The following CYP4F22 variants were observed in gnomAD, a reference collection of about 807,000 sequenced individuals.
CYP4F22 encodes ultra-long-chain fatty acid omega-hydroxylase.
CYP4F22 carries 37 observed loss-of-function variants against 60.4 expected under a neutral mutation model. The ratio of observed to expected loss-of-function variants is 0.61; its 90% CI spans 0.47 to 0.81. The LOEUF is 0.81. Among genes scored for constraint, CYP4F22 ranks in the 30% least tolerant of loss-of-function variants. The pLI is 0.00. For missense variants in CYP4F22, 655 were observed against 715.0 expected (o/e 0.92, Z 0.96); for synonymous variants, 258 against 280.5 (o/e 0.92, Z 0.80).
intron 1 of CYP4F22, among the ~76,000 whole-genome samples, chr19:15,509,123 T>C (rs1971054316): frequency 6.6e-6 from 1 of 152,154 alleles, no homozygotes; most frequent in Non-Finnish European, 1.5e-5. Flanking sequence ...AGCCCCTCTA[T>C]GAAAAGACGG....
chr19:15,537,314 C>A lies in CYP4F22; in HGVS notation c.368-47C>A, dbSNP rs115170841. On this transcript the variant is annotated intron_variant, in intron 4 of 13. Coordinates refer to ENST00000269703, the MANE Select transcript of CYP4F22 (RefSeq NM_173483.4). ...AGACTCCGTAAAAAAAAACAAAAAACCAAAAAACTCTGTTTTGAGTCACCA... is the reference window on the plus strand; with the variant it reads ...AGACTCCGTAAAAAAAAACAAAAAAACAAAAAACTCTGTTTTGAGTCACCA... 5,959 of 1,612,016 alleles carry A rather than the reference C, an allele frequency of 3.7e-3. 202 individuals are homozygous for A. In the African/African-American group the frequency reaches 0.07, roughly 19 times the overall value.
intron 4 of CYP4F22, among the ~76,000 whole-genome samples, chr19:15,534,771 G>A (rs1347492425): frequency 6.6e-6 from 1 of 152,158 alleles, no homozygotes; most frequent in Non-Finnish European, 1.5e-5. Context: ...TCCTGGAGTA[G>A]GTGTCAGTGA....
chr19:15,539,493 C>T (rs903514918), intron 7 of CYP4F22, among the ~76,000 whole-genome samples: 3 of 152,204 alleles, frequency 2.0e-5, no homozygotes, highest in African/African-American at 4.8e-5. Context: ...CTGCTATTAA[C>T]ATTCATGCAC....
intron 11 of CYP4F22, 33 bp downstream of exon 11, chr19:15,548,274 C>A: frequency 6.2e-7 from 1 of 1,613,258 alleles, no homozygotes; most frequent in Non-Finnish European, 8.5e-7. Context: ...TGCTGGTGCA[C>A]TGCCTCCAAT....
chr19:15,548,263 CTGCTGG>C, intron 11 of CYP4F22, 22 bp downstream of exon 11: 2 of 1,613,730 alleles, frequency 1.2e-6, no homozygotes, highest in Non-Finnish European at 8.5e-7. Flanking sequence ...GTTCCGCCTG[CTGCTGG>C]TGCACTGCCT....
intron 3 of CYP4F22, among the ~76,000 whole-genome samples, chr19:15,526,323 T>A (rs1971282412): frequency 6.6e-6 from 1 of 152,218 alleles, no homozygotes; most frequent in Non-Finnish European, 1.5e-5. Flanking sequence ...CCTTGAATGC[T>A]GTGGTCCTAG....
rs8107395 is a variant in CYP4F22, at chr19:15,525,871, T to A, written c.222+313T>A. Among the ~76,000 whole-genome samples, 96,187 of 151,502 alleles carry A rather than the reference T, an allele frequency of 0.63. 31,293 individuals are homozygous for A. Among genetic ancestry groups the A allele is most frequent in the Middle Eastern group, 0.72 (210 of 292 alleles). On this transcript the variant is annotated intron_variant, in intron 3 of 13. Coordinates refer to ENST00000269703, the MANE Select transcript of CYP4F22 (RefSeq NM_173483.4). ...GTGAGACCCCCTCTCTACAAAAAAT[T>A]CAAAAATTATATGGGTGTGGTGGTG...
intron 10 of CYP4F22, among the ~76,000 whole-genome samples, chr19:15,545,474 C>A (rs538870115): frequency 6.6e-6 from 1 of 151,498 alleles, no homozygotes; most frequent in Non-Finnish European, 1.5e-5. Context: ...ATGACGAAAC[C>A]CTGTCTCTAC....
At chr19:15,544,569 C>T (rs963515832) in intron 10 of CYP4F22, among the ~76,000 whole-genome samples, 1 of 152,180 alleles carries the variant, frequency 6.6e-6, no homozygotes, top group Non-Finnish European at 1.5e-5. Flanking sequence ...TTTGTATGCA[C>T]ACATTTCTTG....
At chr19:15,516,835 CTTTTTT>C (rs756727270) in intron 1 of CYP4F22, 33 of 207,878 alleles carry the variant, frequency 1.6e-4, no homozygotes, top group East Asian at 3.9e-4. Context: ...AGATGTTATT[CTTTTTT>C]TTTTTTTTTT....
chr19:15,509,954 G>GTCTC (rs34582549), intron 1 of CYP4F22, among the ~76,000 whole-genome samples: 9 of 92,534 alleles, frequency 9.7e-5, no homozygotes, highest in East Asian at 7.2e-4. Flanking sequence ...TCTTTTCTCT[G>GTCTC]TCTCTCTCTC....
intron 7 of CYP4F22, among the ~76,000 whole-genome samples, chr19:15,539,261 T>G (rs1257821342): frequency 6.6e-6 from 1 of 152,256 alleles, no homozygotes; most frequent in Non-Finnish European, 1.5e-5. Flanking sequence ...TAGATTTGCC[T>G]GTTATGGATA....
Position 15,540,466 on chromosome 19 carries a change from A to G in CYP4F22, c.688A>G (p.Ile230Val). 6.2e-7 allele frequency: 1 copy of G among 1,614,144 alleles called. No homozygotes were observed. The highest frequency in any genetic ancestry group is 8.5e-7 in the Non-Finnish European group (1 of 1,180,022). ...CCTTGGCAGGAAGATGAGTGATTAT[A>G]TCTCCGCTATCATTGAACTGAGCGC... ...SNCQEKMSDY[I>V]SAIIELSALS... The change falls in exon 8 of 14, where the codon ATC (isoleucine) becomes GTC (valine). Residue 230 changes from isoleucine (I) to valine (V), a missense_variant. Ile to Val is a conservative substitution (Grantham distance 29, BLOSUM62 3). Coordinates refer to ENST00000269703, the MANE Select transcript of CYP4F22 (RefSeq NM_173483.4).
chr19:15,533,327 G>A (rs1307624304), intron 4 of CYP4F22, among the ~76,000 whole-genome samples: 1 of 151,688 alleles, frequency 6.6e-6, no homozygotes, highest in Non-Finnish European at 1.5e-5. Flanking sequence ...CACCATGTTG[G>A]GCAACCACCA....
intron 1 of CYP4F22, among the ~76,000 whole-genome samples, chr19:15,512,338 A>AATTAG (rs1273077941): frequency 6.6e-6 from 1 of 152,062 alleles, no homozygotes; most frequent in African/African-American, 2.4e-5. Context: ...AATTAAATTA[A>AATTAG]TTTTAGTTTT....
At chr19:15,533,241 T>C (rs1026409049) in intron 4 of CYP4F22, among the ~76,000 whole-genome samples, 6 of 152,240 alleles carry the variant, frequency 3.9e-5, no homozygotes, top group African/African-American at 1.4e-4. Context: ...ATATCATCTT[T>C]TTAAAATGGA....
Position 15,519,120 on chromosome 19 carries a change from G to C in CYP4F22, c.-108-4573G>C, listed in dbSNP as rs1217704591. On this transcript the variant is annotated intron_variant, in intron 1 of 13. Coordinates refer to ENST00000269703, the MANE Select transcript of CYP4F22 (RefSeq NM_173483.4). ...ACACTGAGACATGGGAATTGCCTTT[G>C]AGATAGGATTTCTGAAACCACGGGA... 3.3e-5 allele frequency among the ~76,000 whole-genome samples: 5 copies of C among 152,232 alleles called. No homozygotes were observed. The South Asian group carries it at 6.2e-4, about 19-fold the overall frequency.
rs1324493308 is a variant in CYP4F22 at position 15,544,003 on chromosome 19, T to C, written c.972T>C (p.Asp324=). 1 of 1,614,020 alleles carries C rather than the reference T, an allele frequency of 6.2e-7. No homozygotes were observed. Among genetic ancestry groups the C allele is most frequent in the Non-Finnish European group, 8.5e-7 (1 of 1,179,990 alleles). The change falls in exon 9 of 14, where the codon GAT becomes GAC. Residue 324 remains aspartate, a synonymous_variant. Transcript: ENST00000269703. Reference sequence around the variant, plus strand: ...ATGGAAAGGAACTGTCAGACGAGGATATCCGAGCCGAAGCAGACACCTTCA... The same window carrying C: ...ATGGAAAGGAACTGTCAGACGAGGACATCCGAGCCGAAGCAGACACCTTCA... The part of the protein sequence containing the change: ...DEDGKELSDE[D]IRAEADTFMF...
chr19:15,518,647 C>CAAA (rs748509278), intron 1 of CYP4F22, among the ~76,000 whole-genome samples: 478 of 23,324 alleles, frequency 0.02, 30 homozygotes, highest in African/African-American at 0.071. Flanking sequence ...GACTTTGTCT[C>CAAA]AAAAAAAAAA....
Sources: allele counts gnomAD v4.1 joint callset (sites outside exome capture counted in the v4.1 genomes callset), GRCh38; gene constraint gnomAD v4.1.1; transcripts MANE v1.5; gene names NCBI Gene and HGNC (gene_info 2026-07-23, HGNC 2026-07-21).